Variants in MICAL3 observed in about 807,000 individuals in gnomAD.
The protein encoded by MICAL3 is [F-actin]-monooxygenase MICAL3.
A neutral mutation model predicts 207.4 loss-of-function variants in MICAL3; 62 were observed. The ratio of observed to expected loss-of-function variants is 0.30; its 90% CI spans 0.24 to 0.37. The LOEUF (loss-of-function observed/expected upper bound fraction) is 0.37. Ranked by LOEUF, MICAL3 falls within the 10% of genes least tolerant of loss-of-function variation. The pLI, the probability that MICAL3 is intolerant of heterozygous loss-of-function variation, is 1.00. For synonymous variants in MICAL3, 1,077 were observed against 1,069.3 expected (o/e 1.01, Z -0.14); for missense variants, 2,368 against 2,635.6 (o/e 0.90, Z 2.22).
chr22:17,800,366 G>A (rs1362024485), intron 29 of MICAL3, among the ~76,000 whole-genome samples: 5 of 152,282 alleles, frequency 3.3e-5, no homozygotes, highest in South Asian at 2.1e-4. Flanking sequence ...AGGCTGGGCC[G>A]GCCTGTTCAG....
At chr22:17,985,970 C>T (rs1920986612) in intron 1 of MICAL3, among the ~76,000 whole-genome samples, 2 of 152,160 alleles carry the variant, frequency 1.3e-5, no homozygotes, top group Admixed American at 1.3e-4. Flanking sequence ...GCAGTGGCAG[C>T]AATCTCGGCT....
intron 27 of MICAL3, chr22:17,814,904 C>T (rs113349013): frequency 0.018 from 2,701 of 151,470 alleles, 37 homozygotes; most frequent in African/African-American, 0.033. Flanking sequence ...TTGGCCGTCC[C>T]GTAGGTCATC....
At chr22:17,825,913 C>T (rs922391319) in intron 22 of MICAL3, among the ~76,000 whole-genome samples, 6 of 152,290 alleles carry the variant, frequency 3.9e-5, no homozygotes, top group Middle Eastern at 3.4e-3. Flanking sequence ...CTTGAAGAGA[C>T]GCCTGCAGCT....
intron 7 of MICAL3, among the ~76,000 whole-genome samples, chr22:17,897,457 G>C (rs1930949249): frequency 6.6e-6 from 1 of 151,624 alleles, no homozygotes; most frequent in Admixed American, 6.6e-5. Flanking sequence ...AGGGGTTTGG[G>C]GGGTGGATTA....
chr22:17,991,471 C>T (rs1313387851), intron 1 of MICAL3, among the ~76,000 whole-genome samples: 1 of 152,204 alleles, frequency 6.6e-6, no homozygotes, highest in Admixed American at 6.5e-5. Context: ...GATAAATCCA[C>T]GTTTCCATAC....
chr22:17,863,215 A>C, intron 19 of MICAL3: 1 of 985,288 alleles, frequency 1.0e-6, no homozygotes, highest in Non-Finnish European at 1.2e-6. Context: ...AATAACCTAA[A>C]CTTCACTGTG....
rs1294377780 is a variant in MICAL3 at position 17,787,777 on chromosome 22, TAAG to T, written c.*2952_*2954del. ...ACTGAAAAATTTATTTTGAAAGGGT[TAAG>T]AAGAGTCTATCATTGCTGGTCAAAA... On this transcript the variant is annotated 3_prime_UTR_variant, in exon 32 of 32. Coordinates refer to ENST00000441493, the MANE Select transcript of MICAL3 (RefSeq NM_015241.3). The T allele has an allele frequency of 6.6e-6, 1 of 152,272 alleles. No homozygotes were observed. Among genetic ancestry groups the T allele is most frequent in the African/African-American group, 2.4e-5 (1 of 41,474 alleles). 9.4% of individuals were successfully genotyped at this position (152,272 alleles called of 1,614,324 possible). A position where few individuals can be genotyped will look rare whatever the true frequency, so the allele number is the denominator to read the frequency against.
intron 1 of MICAL3, among the ~76,000 whole-genome samples, chr22:17,931,469 G>C (rs969371291): frequency 6.6e-6 from 1 of 152,210 alleles, no homozygotes; most frequent in Non-Finnish European, 1.5e-5. Context: ...GGAGCCCAAC[G>C]GGGTGTGGCT....
At chr22:17,976,245 A>G (rs1357552790) in intron 1 of MICAL3, among the ~76,000 whole-genome samples, 1 of 152,180 alleles carries the variant, frequency 6.6e-6, no homozygotes, top group African/African-American at 2.4e-5. Context: ...TTGTCCACAT[A>G]ACCCAAATTC....
intron 1 of MICAL3, among the ~76,000 whole-genome samples, chr22:17,997,236 G>C (rs1358431017): frequency 6.6e-6 from 1 of 151,614 alleles, no homozygotes; most frequent in Non-Finnish European, 1.5e-5. Flanking sequence ...GCTAATTTTT[G>C]TACTTTTTGT....
At chr22:17,802,645 G>C (rs2061952134) in intron 29 of MICAL3, among the ~76,000 whole-genome samples, 1 of 152,170 alleles carries the variant, frequency 6.6e-6, no homozygotes, top group Non-Finnish European at 1.5e-5. Flanking sequence ...CCTTGGACGT[G>C]GCACTGTCTG....
chr22:17,865,109 ATTTATT>A, intron 18 of MICAL3, 123 bp from the exon 19 acceptor site: 1 of 711,342 alleles, frequency 1.4e-6, no homozygotes, highest in Non-Finnish European at 1.8e-6. Flanking sequence ...TTATTTATTT[ATTTATT>A]TATTTATTTA....
chr22:18,015,422 C>CTTTTTTTTTTTTTTTTTTTTTT (rs34098867), intron 1 of MICAL3, among the ~76,000 whole-genome samples: 1 of 105,610 alleles, frequency 9.5e-6, no homozygotes, highest in Non-Finnish European at 1.8e-5. Context: ...TAAGACTCAT[C>CTTTTTTTTTTTTTTTTTTTTTT]TTTTTTTTTT....
intron 1 of MICAL3, among the ~76,000 whole-genome samples, chr22:17,952,515 G>A (rs988054060): frequency 6.6e-6 from 1 of 152,240 alleles, no homozygotes; most frequent in Non-Finnish European, 1.5e-5. Flanking sequence ...GAAACAGAAA[G>A]AGAGAAGAGG....
intron 1 of MICAL3, among the ~76,000 whole-genome samples, chr22:17,970,627 ACTTC>A (rs767869355): frequency 2.0e-5 from 3 of 152,168 alleles, no homozygotes; most frequent in Non-Finnish European, 4.4e-5. Flanking sequence ...ATTCCCCACC[ACTTC>A]CTATGTTCCC....
intron 2 of MICAL3, among the ~76,000 whole-genome samples, chr22:17,905,900 A>T (rs535192269): frequency 6.6e-6 from 1 of 152,362 alleles, no homozygotes; most frequent in South Asian, 2.1e-4. Context: ...TTGGTTCACA[A>T]AGTCCTTGCT....
rs1238773681 is a variant in MICAL3 at position 17,881,423 on chromosome 22, C to T, written c.2241+4455G>A. 4 of 771,356 alleles carry T rather than the reference C, an allele frequency of 5.2e-6. No homozygotes were observed. The African/African-American group carries it at 7.0e-5, about 13-fold the overall frequency. The allele number at this position is 771,356 out of a possible 1,614,324, so 47.8% of individuals were successfully genotyped here. A position where few individuals can be genotyped will look rare whatever the true frequency, so the allele number is the denominator to read the frequency against. ...GCACCCCAGGGAGGCCTTTCCTTGC[C>T]CCTCCATCCTCAGAGGGCAGCCCAG... On this transcript the variant is annotated intron_variant, in intron 16 of 31. Transcript: ENST00000441493.
intron 1 of MICAL3, among the ~76,000 whole-genome samples, chr22:17,981,161 A>C (rs1353357155): frequency 6.6e-6 from 1 of 152,272 alleles, no homozygotes; most frequent in Non-Finnish European, 1.5e-5. Context: ...TATACAATAC[A>C]GTAATAAATA....
intron 1 of MICAL3, among the ~76,000 whole-genome samples, chr22:18,002,013 C>G (rs1322800060): frequency 6.6e-6 from 1 of 151,930 alleles, no homozygotes; most frequent in Admixed American, 6.6e-5. Flanking sequence ...GCCGGGCCAA[C>G]ATGATGAAAC....
Sources: allele counts gnomAD v4.1 joint callset (sites outside exome capture counted in the v4.1 genomes callset), GRCh38; gene constraint gnomAD v4.1.1; transcripts MANE v1.5; gene names NCBI Gene and HGNC (gene_info 2026-07-23, HGNC 2026-07-21).